CNTNAP2: variants seen among roughly 807,000 people sequenced by gnomAD.
CNTNAP2 encodes contactin associated protein 2, also known as contactin-associated protein-like 2.
CNTNAP2 carries 98 observed loss-of-function variants against 155.2 expected under a neutral mutation model. The observed-to-expected ratio is 0.63, with a 90% confidence interval of 0.54 to 0.75. The LOEUF is 0.75. CNTNAP2 is among the 30% of genes least tolerant of loss of function. The pLI is 0.00. For missense variants in CNTNAP2, 1,727 were observed against 1,688.1 expected, an observed-to-expected ratio of 1.02 and a Z score of -0.40; for synonymous variants, 651 against 631.2, an observed-to-expected ratio of 1.03 and a Z score of -0.47.
intron 11 of CNTNAP2, among the ~76,000 whole-genome samples, chr7:147,510,185 G>A (rs1213357264): frequency 1.3e-5 from 2 of 152,140 alleles, no homozygotes; most frequent in African/African-American, 4.8e-5. Flanking sequence ...GATGAAACCT[G>A]TCTGGGGTTC....
chr7:146,832,383 C>G (rs1360888492), intron 2 of CNTNAP2, among the ~76,000 whole-genome samples: 2 of 151,374 alleles, frequency 1.3e-5, no homozygotes, highest in African/African-American at 4.8e-5. Flanking sequence ...TAGACTTACC[C>G]TAGAAACTTC....
intron 1 of CNTNAP2, among the ~76,000 whole-genome samples, chr7:146,215,068 G>A (rs1031701790): frequency 2.0e-5 from 3 of 152,082 alleles, no homozygotes; most frequent in African/African-American, 7.2e-5. Flanking sequence ...AATGACTCAT[G>A]TCACAGATAC....
At chr7:146,410,389 A>G (rs181418065) in intron 1 of CNTNAP2, among the ~76,000 whole-genome samples, 1 of 152,330 alleles carries the variant, frequency 6.6e-6, no homozygotes, top group East Asian at 1.9e-4. Context: ...TACAGAAAAT[A>G]TTTGCTGACT....
chr7:146,640,841 G>C (rs1005406200), intron 1 of CNTNAP2, among the ~76,000 whole-genome samples: 1 of 152,120 alleles, frequency 6.6e-6, no homozygotes, highest in African/African-American at 2.4e-5. Context: ...TAGACTTGGA[G>C]AAAGGAAAAG....
chr7:147,176,455 T>C (rs1256911222), intron 8 of CNTNAP2, among the ~76,000 whole-genome samples: 2 of 151,758 alleles, frequency 1.3e-5, no homozygotes, highest in Non-Finnish European at 2.9e-5. Context: ...GGATGTTCAA[T>C]GACTTTTTCT....
intron 1 of CNTNAP2, among the ~76,000 whole-genome samples, chr7:146,494,188 G>T (rs1797179839): frequency 6.6e-6 from 1 of 151,902 alleles, no homozygotes; most frequent in African/African-American, 2.4e-5. Context: ...CAAAAAATTA[G>T]CTGGGCATGG....
chr7:148,413,157 C>T (rs146738115), intron 23 of CNTNAP2, among the ~76,000 whole-genome samples: 3,939 of 151,282 alleles, frequency 0.026, 59 homozygotes, highest in Non-Finnish European at 0.036. Flanking sequence ...TTTGGGAGGC[C>T]GAGGCAGGTG....
At chr7:147,291,548 T>C (rs980175264) in intron 8 of CNTNAP2, among the ~76,000 whole-genome samples, 2 of 152,210 alleles carry the variant, frequency 1.3e-5, no homozygotes, top group Non-Finnish European at 2.9e-5. Flanking sequence ...ATATACTGTA[T>C]GTACATGTGT....
intron 2 of CNTNAP2, among the ~76,000 whole-genome samples, chr7:146,796,628 G>A (rs1802773757): frequency 6.6e-6 from 1 of 152,040 alleles, no homozygotes; most frequent in African/African-American, 2.4e-5. Flanking sequence ...GACTTAGAGG[G>A]CCGACTATGA....
At chr7:148,289,802 G>A (rs1797157930) in intron 21 of CNTNAP2, among the ~76,000 whole-genome samples, 1 of 152,140 alleles carries the variant, frequency 6.6e-6, no homozygotes, top group Admixed American at 6.5e-5. Context: ...AACCAAGGCT[G>A]TTGGGGGAGG....
chr7:148,104,038 T>C (rs1804156233), intron 15 of CNTNAP2, among the ~76,000 whole-genome samples: 1 of 152,210 alleles, frequency 6.6e-6, no homozygotes, highest in South Asian at 2.1e-4. Flanking sequence ...ACAAACCCTG[T>C]GAAGAAAGAA....
chr7:147,351,997 C>T (rs559108255), intron 9 of CNTNAP2, among the ~76,000 whole-genome samples: 59 of 151,960 alleles, frequency 3.9e-4, no homozygotes, highest in African/African-American at 1.4e-3. Flanking sequence ...GCCAATTCTT[C>T]AATGATCAAT....
intron 13 of CNTNAP2, chr7:147,704,417 A>C (rs1209283672): frequency 6.1e-6 from 1 of 163,626 alleles, no homozygotes; most frequent in East Asian, 1.9e-4. Context: ...CAGCAAACCA[A>C]GCAATTCCTT....
At chr7:148,039,059 T>C (rs976898393) in intron 15 of CNTNAP2, among the ~76,000 whole-genome samples, 2 of 152,314 alleles carry the variant, frequency 1.3e-5, no homozygotes, top group South Asian at 2.1e-4. Context: ...AATTGGCTCA[T>C]GCAATTGGGA....
chr7:147,176,946 A>G lies in CNTNAP2; in HGVS notation c.1348+44437A>G, dbSNP rs554222718. Among the ~76,000 whole-genome samples, 405 of 130,770 alleles carry G rather than the reference A, an allele frequency of 3.1e-3. 4 individuals carry two copies. Among genetic ancestry groups the G allele is most frequent in the African/African-American group, 0.012 (368 of 30,950 alleles). 85.8% of individuals were successfully genotyped at this position (130,770 alleles called of 152,430 possible). A position where few individuals can be genotyped will look rare whatever the true frequency, so the allele number is the denominator to read the frequency against. On this transcript the variant is annotated intron_variant, in intron 8 of 23. Transcript: ENST00000361727. ...TAATATAATATATAATAGAATTATA[A>G]TTCTAAATATAATTATAATTCTATA...
At chr7:147,483,108 A>G (rs1022950963) in intron 10 of CNTNAP2, among the ~76,000 whole-genome samples, 3 of 152,004 alleles carry the variant, frequency 2.0e-5, no homozygotes, top group Admixed American at 2.0e-4. Context: ...TTAAAATTGT[A>G]TCTAAATAAA....
intron 1 of CNTNAP2, among the ~76,000 whole-genome samples, chr7:146,510,082 A>AG (rs1797444204): frequency 6.6e-6 from 1 of 152,102 alleles, no homozygotes; most frequent in African/African-American, 2.4e-5. Context: ...CTGGGGTCTG[A>AG]GGGGAGCTGG....
intron 1 of CNTNAP2, among the ~76,000 whole-genome samples, chr7:146,500,330 C>T (rs926162343): frequency 3.3e-5 from 5 of 152,076 alleles, no homozygotes; most frequent in African/African-American, 4.8e-5. Context: ...GTGCTACAGT[C>T]GAGGAGATGG....
intron 15 of CNTNAP2, among the ~76,000 whole-genome samples, chr7:148,035,154 G>A (rs1802549112): frequency 6.6e-6 from 1 of 152,200 alleles, no homozygotes; most frequent in African/African-American, 2.4e-5. Flanking sequence ...AAGAAGTAGA[G>A]CAGAAAGATT....
Sources: gnomAD v4.1 joint callset for allele counts (sites outside exome capture counted in the v4.1 genomes callset) on GRCh38, gnomAD v4.1.1 for gene constraint, MANE v1.5 for transcripts, NCBI Gene and HGNC (gene_info 2026-07-23, HGNC 2026-07-21) for gene names.